The following WASHC3 variants were observed in gnomAD, a reference collection of about 807,000 sequenced individuals.
WASHC3 encodes the protein WASH complex subunit CCDC53.
In WASHC3, 24 loss-of-function variants were observed where a neutral mutation model predicts 26.1. The ratio of observed to expected loss-of-function variants is 0.92; its 90% CI spans 0.66 to 1.29. The LOEUF is 1.29. WASHC3 is among the 50% of genes most tolerant of loss of function. WASHC3 has a pLI of 0.00. For missense variants in WASHC3, 214 were observed against 229.6 expected (o/e 0.93, Z 0.44); for synonymous variants, 77 against 75.7 (o/e 1.02, Z -0.09).
intron 6 of WASHC3, among the ~76,000 whole-genome samples, chr12:102,021,132 A>G (rs1876939705): frequency 6.6e-6 from 1 of 151,988 alleles, no homozygotes; most frequent in Non-Finnish European, 1.5e-5. Flanking sequence ...ACACCAAAAC[A>G]CTAAGATTCT....
intron 4 of WASHC3, among the ~76,000 whole-genome samples, chr12:102,042,148 G>A (rs974554673): frequency 1.3e-5 from 2 of 152,046 alleles, no homozygotes; most frequent in African/African-American, 2.4e-5. Flanking sequence ...ATTCTTTATA[G>A]ACGCTTTATT....
At chr12:102,035,636 G>A (rs1877623477) in intron 5 of WASHC3, among the ~76,000 whole-genome samples, 1 of 151,460 alleles carries the variant, frequency 6.6e-6, no homozygotes, top group Non-Finnish European at 1.5e-5. Flanking sequence ...AGCACAAAGT[G>A]AAGAAGGAGA....
At chr12:102,051,996 T>C (rs1265361974) in intron 2 of WASHC3, among the ~76,000 whole-genome samples, 1 of 152,284 alleles carries the variant, frequency 6.6e-6, no homozygotes, top group African/African-American at 2.4e-5. Context: ...TAGATTATCA[T>C]ACATAAAGGA....
At chr12:102,018,014 A>G (rs141532620) in intron 6 of WASHC3, among the ~76,000 whole-genome samples, 1 of 152,244 alleles carries the variant, frequency 6.6e-6, no homozygotes, top group African/African-American at 2.4e-5. Context: ...TTCTGTCTCT[A>G]TGAATTTGAC....
chr12:102,018,627 C>T (rs1005315429), intron 6 of WASHC3, among the ~76,000 whole-genome samples: 4 of 152,090 alleles, frequency 2.6e-5, no homozygotes, highest in African/African-American at 4.8e-5. Flanking sequence ...TACACTCTAT[C>T]GCGCCTGGCT....
chr12:102,043,897 T>G, intron 4 of WASHC3: 1 of 312,554 alleles, frequency 3.2e-6, no homozygotes, highest in East Asian at 5.9e-5. Context: ...ACTGATTTTC[T>G]TTTTTACAGG....
At chr12:102,028,769 G>T (rs956679896) in intron 5 of WASHC3, among the ~76,000 whole-genome samples, 1 of 149,684 alleles carries the variant, frequency 6.7e-6, no homozygotes, top group African/African-American at 2.4e-5. Context: ...AGAATTATAA[G>T]AATAATAAGA....
At position 102,061,980 on chromosome 12, in the gene WASHC3, G is replaced by T. The variant is rs755054961; in HGVS notation, c.-18C>A. ...TCATCCATCTCCTCAGCGGGCGGTG[G>T]ACCCCGAGTTCACCCACAAACCCCT... On this transcript the variant is annotated 5_prime_UTR_variant, in exon 1 of 7. Coordinates refer to ENST00000240079, the MANE Select transcript of WASHC3 (RefSeq NM_016053.4). The T allele has an allele frequency of 4.0e-5, 63 of 1,587,242 alleles. No individual in the cohort carries two copies. The highest frequency in any genetic ancestry group is 5.2e-5 in the Non-Finnish European group (61 of 1,165,318).
At chr12:102,033,240 T>C (rs1344595761) in intron 5 of WASHC3, among the ~76,000 whole-genome samples, 1 of 152,128 alleles carries the variant, frequency 6.6e-6, no homozygotes, top group Non-Finnish European at 1.5e-5. Context: ...AAATCTGTTT[T>C]TGTAACCCGC....
At chr12:102,035,748 T>C (rs1877627667) in intron 5 of WASHC3, among the ~76,000 whole-genome samples, 1 of 152,208 alleles carries the variant, frequency 6.6e-6, no homozygotes, top group Non-Finnish European at 1.5e-5. Flanking sequence ...CAAGATACCA[T>C]TCTCCCTCTC....
chr12:102,042,022 C>A (rs1363310443), intron 4 of WASHC3, among the ~76,000 whole-genome samples: 1 of 151,710 alleles, frequency 6.6e-6, no homozygotes, highest in African/African-American at 2.4e-5. Context: ...CATAATAGCA[C>A]CTGGAAAAAT....
At chr12:102,034,220 A>C (rs1877556218) in intron 5 of WASHC3, among the ~76,000 whole-genome samples, 1 of 152,142 alleles carries the variant, frequency 6.6e-6, no homozygotes, top group South Asian at 2.1e-4. Context: ...TTTCAGAGTG[A>C]ACAACTGATT....
At chr12:102,021,218 C>A (rs1358824362) in intron 6 of WASHC3, among the ~76,000 whole-genome samples, 1 of 152,202 alleles carries the variant, frequency 6.6e-6, no homozygotes, top group Non-Finnish European at 1.5e-5. Flanking sequence ...TGAATTATAG[C>A]AGCTAGTGAG....
chr12:102,037,536 G>T (rs750414256), intron 5 of WASHC3, among the ~76,000 whole-genome samples: 1 of 152,166 alleles, frequency 6.6e-6, no homozygotes, highest in Non-Finnish European at 1.5e-5. Flanking sequence ...AAGTGTTTCA[G>T]GCAGACAGAA....
chr12:102,023,280 T>C (rs1049668991), intron 6 of WASHC3, among the ~76,000 whole-genome samples: 3 of 152,212 alleles, frequency 2.0e-5, no homozygotes, highest in African/African-American at 7.2e-5. Context: ...ATTTTTCTGA[T>C]CAGTATTTAT....
chr12:102,044,893 G>GA, intron 3 of WASHC3, among the ~76,000 whole-genome samples: 1 of 152,216 alleles, frequency 6.6e-6, no homozygotes. Context: ...CTTCTTTTCT[G>GA]AGTTCATCCT....
At chr12:102,043,107 C>T (rs1878007705) in intron 4 of WASHC3, among the ~76,000 whole-genome samples, 1 of 152,122 alleles carries the variant, frequency 6.6e-6, no homozygotes, top group Non-Finnish European at 1.5e-5. Flanking sequence ...GCCTACAGAT[C>T]ACCTAGGGGT....
intron 5 of WASHC3, among the ~76,000 whole-genome samples, chr12:102,030,534 A>T (rs1422245612): frequency 6.6e-6 from 1 of 152,178 alleles, no homozygotes; most frequent in South Asian, 2.1e-4. Context: ...ACCTAAAAAA[A>T]ATGGAAACTT....
chr12:102,028,201 T>G (rs1412377138), intron 5 of WASHC3, among the ~76,000 whole-genome samples: 2 of 152,170 alleles, frequency 1.3e-5, no homozygotes, highest in African/African-American at 4.8e-5. Flanking sequence ...AAGACTTGAA[T>G]GAAATATATT....
Sources: gnomAD v4.1 joint callset for allele counts (sites outside exome capture counted in the v4.1 genomes callset) on GRCh38, gnomAD v4.1.1 for gene constraint, MANE v1.5 for transcripts, NCBI Gene and HGNC (gene_info 2026-07-23, HGNC 2026-07-21) for gene names.